Variants in MBNL1 observed in about 807,000 individuals in gnomAD.
MBNL1 encodes muscleblind like splicing regulator 1, also known as muscleblind-like protein 1.
In MBNL1, 8 loss-of-function variants were observed where a neutral mutation model predicts 42.2. The observed-to-expected ratio is 0.19, with a 90% CI of 0.11 to 0.34. MBNL1 has a LOEUF of 0.34. Among genes scored for constraint, MBNL1 ranks in the 10% least tolerant of loss-of-function variants. The pLI is 1.00. For missense variants in MBNL1, 309 were observed against 495.3 expected (o/e 0.62, Z 3.57); for synonymous variants, 169 against 173.9 (o/e 0.97, Z 0.22).
intron 2 of MBNL1, among the ~76,000 whole-genome samples, chr3:152,411,755 A>G: frequency 6.6e-6 from 1 of 152,216 alleles, no homozygotes; most frequent in Admixed American, 6.5e-5. Flanking sequence ...GAATGTCTAT[A>G]CAAATCTCCT....
chr3:152,451,034 A>G (rs1436040483), intron 6 of MBNL1, among the ~76,000 whole-genome samples: 1 of 152,238 alleles, frequency 6.6e-6, no homozygotes, highest in African/African-American at 2.4e-5. Context: ...TCCGATCTGA[A>G]CACAATTTAA....
At chr3:152,256,930 T>C (rs1184618430) in intron 2 of MBNL1, among the ~76,000 whole-genome samples, 3 of 152,044 alleles carry the variant, frequency 2.0e-5, no homozygotes, top group Admixed American at 2.0e-4. Context: ...CCAAGGCAGT[T>C]GGATGTGTTG....
At position 152,459,267 on chromosome 3, in the gene MBNL1, C is replaced by T; in HGVS notation, c.1093-4C>T. The stretch of plus-strand genomic sequence containing the variant: ...CATTCATTAAATAATTTTTTATTTG[C>T]TAGATACCCATAATATCTGCCGAAC... On this transcript the variant is annotated splice_polypyrimidine_tract_variant and splice_region_variant and intron_variant, in intron 8 of 9. Transcript: ENST00000324210. 6.4e-7 allele frequency: 1 copy of T among 1,553,780 alleles called. No homozygotes were observed. Among genetic ancestry groups the T allele is most frequent in the Non-Finnish European group, 8.8e-7 (1 of 1,142,014 alleles).
At chr3:152,365,446 C>CA (rs918588560) in intron 2 of MBNL1, among the ~76,000 whole-genome samples, 1 of 152,126 alleles carries the variant, frequency 6.6e-6, no homozygotes, top group Non-Finnish European at 1.5e-5. Flanking sequence ...TCTAAAGTCT[C>CA]AAAGACTTTC....
chr3:152,288,722 C>A (rs959593343), intron 1 of MBNL1, among the ~76,000 whole-genome samples: 1 of 152,086 alleles, frequency 6.6e-6, no homozygotes, highest in African/African-American at 2.4e-5. Flanking sequence ...TATTTTGATA[C>A]CCTGTCAACC....
At chr3:152,449,248 A>T (rs1172589003) in intron 6 of MBNL1, 1 of 152,234 alleles carries the variant, frequency 6.6e-6, no homozygotes, top group Non-Finnish European at 1.5e-5. Context: ...TGGCTAAAAC[A>T]TTACCATGAT....
intron 2 of MBNL1, among the ~76,000 whole-genome samples, chr3:152,387,924 G>A (rs1203458974): frequency 6.6e-6 from 1 of 152,076 alleles, no homozygotes; most frequent in East Asian, 1.9e-4. Flanking sequence ...GATGAAGAGT[G>A]GTAAGCCAGT....
intron 2 of MBNL1, among the ~76,000 whole-genome samples, chr3:152,307,800 T>G (rs1331049029): frequency 6.6e-6 from 1 of 152,176 alleles, no homozygotes; most frequent in Non-Finnish European, 1.5e-5. Flanking sequence ...CAGCAGTACT[T>G]AAGAATAAAA....
chr3:152,444,760 G>T (rs1161018510), intron 4 of MBNL1, among the ~76,000 whole-genome samples: 3 of 152,148 alleles, frequency 2.0e-5, no homozygotes, highest in Non-Finnish European at 2.9e-5. Flanking sequence ...TGTCTTGCAT[G>T]ACCTTGACAC....
rs2099230306 is a variant in MBNL1, at chr3:152,446,592, T to C, written c.808-1028T>C. 5.5e-6 allele frequency: 4 copies of C among 722,466 alleles called. No homozygotes were observed. The Admixed American group carries it at 9.7e-5, about 17-fold the overall frequency. The allele number at this position is 722,466 out of a possible 1,614,324, so 44.8% of individuals were successfully genotyped here. A position where few individuals can be genotyped will look rare whatever the true frequency, so the allele number is the denominator to read the frequency against. ...GTTTTTTTATTTGTTTTTTCTCACCTACCCAAAAATGCACTGCTGCCCCCA... is the reference window on the plus strand; with the variant it reads ...GTTTTTTTATTTGTTTTTTCTCACCCACCCAAAAATGCACTGCTGCCCCCA... On this transcript the variant is annotated intron_variant, in intron 5 of 9. Transcript: ENST00000324210.
chr3:152,456,262 GAAAGTT>G lies in MBNL1; in HGVS notation c.998-4_999del, dbSNP rs1733594591. On this transcript the variant is annotated splice_acceptor_variant and splice_polypyrimidine_tract_variant and coding_sequence_variant and intron_variant, in exon 8 of 10. Transcript: ENST00000324210. LOFTEE classifies it high-confidence loss of function. ...TGTTCGCTTATATGATTTTCCCTCC[GAAAGTT>G]CCCATGGTGCACGGTGCTACGCCAG... The G allele has an allele frequency of 6.2e-7, 1 of 1,608,750 alleles. No individual in the cohort carries two copies. The highest frequency in any genetic ancestry group is 1.3e-5 in the African/African-American group (1 of 74,732).
intron 2 of MBNL1, among the ~76,000 whole-genome samples, chr3:152,357,353 G>C (rs1322741867): frequency 6.6e-6 from 1 of 152,112 alleles, no homozygotes; most frequent in Non-Finnish European, 1.5e-5. Flanking sequence ...TTTTCTTATC[G>C]CTAAAACAAA....
intron 2 of MBNL1, among the ~76,000 whole-genome samples, chr3:152,303,444 A>C (rs1027078586): frequency 6.6e-6 from 1 of 152,180 alleles, no homozygotes; most frequent in African/African-American, 2.4e-5. Context: ...CGTGCTATAG[A>C]TTTAGGTGTA....
intron 2 of MBNL1, among the ~76,000 whole-genome samples, chr3:152,317,511 G>T (rs1457591148): frequency 6.6e-6 from 1 of 152,102 alleles, no homozygotes; most frequent in East Asian, 1.9e-4. Context: ...GTATAGATGA[G>T]GTTTCAGCAT....
At chr3:152,338,820 T>C (rs891483777) in intron 2 of MBNL1, 8 of 359,168 alleles carry the variant, frequency 2.2e-5, no homozygotes, top group Middle Eastern at 1.4e-3. Flanking sequence ...AGGGAACTAT[T>C]TATTAAAAAC....
chr3:152,335,017 G>A, intron 2 of MBNL1: 2 of 1,125,454 alleles, frequency 1.8e-6, no homozygotes, highest in Non-Finnish European at 2.3e-6. Flanking sequence ...GGGTCTAAAT[G>A]GTCTGCTCCA....
At chr3:152,422,985 G>A (rs1465575760) in intron 3 of MBNL1, among the ~76,000 whole-genome samples, 4 of 152,148 alleles carry the variant, frequency 2.6e-5, no homozygotes, top group Non-Finnish European at 5.9e-5. Flanking sequence ...AATGTCCACA[G>A]GAGAAAGCAG....
intron 1 of MBNL1, among the ~76,000 whole-genome samples, chr3:152,288,995 A>T (rs1577198735): frequency 6.6e-6 from 1 of 152,180 alleles, no homozygotes; most frequent in Non-Finnish European, 1.5e-5. Context: ...AGAAATTTAC[A>T]GTGTAGATAA....
At chr3:152,307,630 A>G (rs1316450687) in intron 2 of MBNL1, among the ~76,000 whole-genome samples, 1 of 152,208 alleles carries the variant, frequency 6.6e-6, no homozygotes, top group Admixed American at 6.5e-5. Context: ...AAGTTAGGTA[A>G]TACATGCAAG....
Sources: allele counts gnomAD v4.1 joint callset (sites outside exome capture counted in the v4.1 genomes callset), GRCh38; gene constraint gnomAD v4.1.1; transcripts MANE v1.5; gene names NCBI Gene and HGNC (gene_info 2026-07-23, HGNC 2026-07-21).